UBR4: variants seen among roughly 807,000 people sequenced by gnomAD.
UBR4 encodes the protein ubiquitin protein ligase E3 component n-recognin 4.
UBR4 carries 124 observed loss-of-function variants against 575.6 expected under a neutral mutation model. The observed-to-expected ratio is 0.22, with a 90% CI of 0.19 to 0.25. The LOEUF is 0.25. Ranked by LOEUF, UBR4 falls within the 10% of genes least tolerant of loss-of-function variation. The pLI, the probability that UBR4 is intolerant of heterozygous loss-of-function variation, is 1.00. For synonymous variants in UBR4, 2,455 were observed against 2,473.7 expected, an observed-to-expected ratio of 0.99 and a Z score of 0.22; for missense variants, 4,818 against 6,478.8, an observed-to-expected ratio of 0.74 and a Z score of 8.80.
In UBR4 at chr1:19,102,075, C is replaced by T. The variant is rs906999921; in HGVS notation, c.12902-434G>A. ...GATTAGGTAGACTGTCCTCTATAAG[C>T]GAAAAAACACAACTTAAAGTAACAT... is the stretch of plus-strand genomic sequence containing the variant. On this transcript the variant is annotated intron_variant, in intron 87 of 105. Transcript: ENST00000375254. 3.3e-5 allele frequency among the ~76,000 whole-genome samples: 5 copies of T among 151,912 alleles called. No individual in the cohort carries two copies. In the South Asian group the frequency reaches 6.2e-4, roughly 19 times the overall value.
chr1:19,153,736 C>T lies in UBR4; in HGVS notation c.6630+32G>A. 6.2e-7 allele frequency: 1 copy of T among 1,601,390 alleles called. No homozygotes were observed. Among genetic ancestry groups the T allele is most frequent in the Non-Finnish European group, 8.5e-7 (1 of 1,174,174 alleles). On this transcript the variant is annotated intron_variant, in intron 45 of 105. Coordinates refer to ENST00000375254, the MANE Select transcript of UBR4 (RefSeq NM_020765.3). The surrounding 1 kb of genome is among the most constrained non-coding windows in gnomAD (Gnocchi z 4.1). Reference sequence around the variant, plus strand: ...ACATAAAAAGAGACCAGGTTCACAGCAAAGTAATGAATGGGAAAATCTGGC... The same window carrying T: ...ACATAAAAAGAGACCAGGTTCACAGTAAAGTAATGAATGGGAAAATCTGGC...
Position 19,105,123 on chromosome 1 carries a change from G to A in UBR4, c.12570C>T (p.Leu4190=). 4.3e-6 allele frequency: 7 copies of A among 1,614,126 alleles called. No homozygotes were observed. Among genetic ancestry groups the A allele is most frequent in the Non-Finnish European group, 5.9e-6 (7 of 1,180,020 alleles). ...AAEYLALYQK[L]ITSAHWKVYL... ...AGACTTTCCAGTGCGCAGAAGTGAT[G>A]AGCTTCTGGTAGAGAGCCAGGTACT... The change falls in exon 85 of 106, where the codon CTC becomes CTT. Residue 4190 remains leucine, a synonymous_variant. Transcript: ENST00000375254.
At position 19,139,253 on chromosome 1, in the gene UBR4, AAAACAAAC is replaced by A. The variant is rs563287199; in HGVS notation, c.8594-41_8594-34del. The A allele has an allele frequency of 1.7e-4, 258 of 1,551,074 alleles. No homozygotes were observed. The highest frequency in any genetic ancestry group is 1.9e-4 in the Non-Finnish European group (223 of 1,148,582). On this transcript the variant is annotated intron_variant, in intron 58 of 105. Transcript: ENST00000375254. This position sits in a 1 kb window ranked among gnomAD's most constrained non-coding sequence, Gnocchi z 4.2. ...AGTAACGAGAGCTGTTACAGGTTAA[AAAACAAAC>A]AAACAAACAAACAAACAAAAAACAA...
At chr1:19,127,910 C>G (rs1002180006) in intron 62 of UBR4, among the ~76,000 whole-genome samples, 171 bp from the exon 63 acceptor site, 1 of 152,108 alleles carries the variant, frequency 6.6e-6, no homozygotes, top group African/African-American at 2.4e-5. Flanking sequence ...TACCTAGAGC[C>G]CGATACACTT....
At position 19,139,357 on chromosome 1, in the gene UBR4, T is replaced by C. The variant is rs1339631152; in HGVS notation, c.8594-137A>G. 5.1e-6 allele frequency: 6 copies of C among 1,182,414 alleles called. No homozygotes were observed. The highest frequency in any genetic ancestry group is 6.6e-6 in the Non-Finnish European group (6 of 915,896). The allele number at this position is 1,182,414 out of a possible 1,614,324, so 73.2% of individuals were successfully genotyped here. A position where few individuals can be genotyped will look rare whatever the true frequency, so the allele number is the denominator to read the frequency against. ...AGGACACAATGCAGTTTATATATCC[T>C]GTCGTCAAAGAAAAAAGGGAGAGAT... On this transcript the variant is annotated intron_variant, in intron 58 of 105. Coordinates refer to ENST00000375254, the MANE Select transcript of UBR4 (RefSeq NM_020765.3). The surrounding 1 kb of genome is among the most constrained non-coding windows in gnomAD (Gnocchi z 4.2).
At chr1:19,150,093 G>C (rs1190173571) in intron 49 of UBR4, among the ~76,000 whole-genome samples, 1 of 152,208 alleles carries the variant, frequency 6.6e-6, no homozygotes, top group Non-Finnish European at 1.5e-5. Context: ...ATATGCCACT[G>C]TAGGGAGACT....
intron 8 of UBR4, among the ~76,000 whole-genome samples, chr1:19,194,220 T>C (rs1322181643): frequency 6.6e-6 from 1 of 152,218 alleles, no homozygotes; most frequent in Non-Finnish European, 1.5e-5. Flanking sequence ...TCAATACTGG[T>C]TCATCAATAA....
intron 85 of UBR4, 67 bp downstream of exon 85, chr1:19,104,981 T>C: frequency 5.7e-6 from 9 of 1,568,268 alleles, no homozygotes; most frequent in Non-Finnish European, 7.8e-6. Flanking sequence ...AACACCATAG[T>C]AGAGTTTACA....
chr1:19,177,829 T>G (rs980732382), intron 18 of UBR4, 86 bp from the exon 19 acceptor site: 2 of 1,425,902 alleles, frequency 1.4e-6, no homozygotes, highest in Non-Finnish European at 1.9e-6. Flanking sequence ...AGAGTTAAAT[T>G]TCCTAAACCC....
At chr1:19,118,014 G>A in intron 71 of UBR4, 104 bp from the exon 72 acceptor site, 3 of 1,103,154 alleles carry the variant, frequency 2.7e-6, no homozygotes, top group Non-Finnish European at 4.1e-6. Context: ...GAGCCAAAGT[G>A]AGCCCAAAGT....
chr1:19,183,648 G>A (rs561867468), intron 17 of UBR4, among the ~76,000 whole-genome samples, 163 bp downstream of exon 17: 1 of 152,168 alleles, frequency 6.6e-6, no homozygotes, highest in African/African-American at 2.4e-5. Context: ...CTTGAACCTG[G>A]GAGGTGGAGG....
Position 19,165,284 on chromosome 1 carries a change from C to T in UBR4, c.4277G>A (p.Arg1426Gln), listed in dbSNP as rs1320797117. Residue 1426 changes from arginine (R) to glutamine (Q), a missense_variant, in exon 31 of 106, where the codon CGA becomes CAA. This residue lies in a region of UBR4 where 1,172 missense variants were observed against 1,259.7 expected (regional missense o/e 0.93). Transcript: ENST00000375254. ...GAGTTTGGTGAAGAATTTCAAAACT[C>T]GGTTACAGAATTTAGCAGAGAGGTT... ...NENLSAKFCNRVLKFFTKLFQ... is the reference protein window; with the variant it reads ...NENLSAKFCNQVLKFFTKLFQ... 8 of 1,614,044 alleles carry T rather than the reference C, an allele frequency of 5.0e-6. No individual in the cohort carries two copies. Among genetic ancestry groups the T allele is most frequent in the African/African-American group, 1.3e-5 (1 of 74,912 alleles).
chr1:19,128,101 G>A, intron 62 of UBR4, 110 bp downstream of exon 62: 1 of 1,051,932 alleles, frequency 9.5e-7, no homozygotes, highest in Non-Finnish European at 1.5e-6. Flanking sequence ...AGCCCTCAGT[G>A]GATGGTTACC....
At chr1:19,205,897 G>A (rs2092982138) in intron 1 of UBR4, among the ~76,000 whole-genome samples, 1 of 152,116 alleles carries the variant, frequency 6.6e-6, no homozygotes, top group South Asian at 2.1e-4. Context: ...AGAAAGAATT[G>A]GCTCAGAGAG....
At position 19,088,023 on chromosome 1, in the gene UBR4, C is replaced by A. The variant is rs112065838; in HGVS notation, c.14431-94G>T. On this transcript the variant is annotated intron_variant, in intron 98 of 105. Coordinates refer to ENST00000375254, the MANE Select transcript of UBR4 (RefSeq NM_020765.3). The surrounding 1 kb of genome is among the most constrained non-coding windows in gnomAD (Gnocchi z 4.0). Reference sequence around the variant, plus strand: ...GCTCAGGAACAGGGCTAACCTTCTACCTCCACTAAAAGGACAGGTGCATGA... The same window carrying A: ...GCTCAGGAACAGGGCTAACCTTCTAACTCCACTAAAAGGACAGGTGCATGA... 580 of 950,306 alleles carry A rather than the reference C, an allele frequency of 6.1e-4. 13 individuals are homozygous for A. The South Asian group carries it at 6.6e-3, about 11-fold the overall frequency. The allele number at this position is 950,306 out of a possible 1,614,324, so 58.9% of individuals were successfully genotyped here.
At chr1:19,185,930 A>G (rs1168341072) in intron 14 of UBR4, among the ~76,000 whole-genome samples, 1 of 152,198 alleles carries the variant, frequency 6.6e-6, no homozygotes, top group Non-Finnish European at 1.5e-5. Context: ...TTTACTGGTA[A>G]CAAGCCAAAT....
At chr1:19,159,789 G>C (rs534025326) in intron 39 of UBR4, among the ~76,000 whole-genome samples, 1 of 152,132 alleles carries the variant, frequency 6.6e-6, no homozygotes, top group African/African-American at 2.4e-5. Flanking sequence ...TTTTGGGGTA[G>C]AGATGAGGTT....
At chr1:19,077,947 AC>A (rs1365980398) in intron 104 of UBR4, 28 bp downstream of exon 104, 2 of 1,613,626 alleles carry the variant, frequency 1.2e-6, no homozygotes, top group South Asian at 2.2e-5. Flanking sequence ...TCTTGCCAAA[AC>A]CCACTGGGCC....
At chr1:19,129,606 T>C (rs185193925) in intron 60 of UBR4, among the ~76,000 whole-genome samples, 2 of 152,292 alleles carry the variant, frequency 1.3e-5, no homozygotes, top group African/African-American at 2.4e-5. Context: ...CTTCCTAATA[T>C]AATGTTCTGT....
Sources: allele counts gnomAD v4.1 joint callset (sites outside exome capture counted in the v4.1 genomes callset), GRCh38; gene constraint gnomAD v4.1.1; regional missense constraint gnomAD v4.1.1; non-coding constraint Gnocchi (gnomAD v3.1); transcripts MANE v1.5; gene names NCBI Gene and HGNC (gene_info 2026-07-23, HGNC 2026-07-21).